Variants in SPRED1 observed in about 807,000 individuals in gnomAD.
The protein encoded by SPRED1 is sprouty-related, EVH1 domain-containing protein 1.
SPRED1 carries 18 observed loss-of-function variants against 52.3 expected under a neutral mutation model. The ratio of observed to expected loss-of-function variants is 0.34; its 90% CI spans 0.24 to 0.51. SPRED1 has a LOEUF of 0.51. SPRED1 is among the 20% of genes least tolerant of loss of function. The pLI is 0.97. For synonymous variants in SPRED1, 155 were observed against 179.7 expected (o/e 0.86, Z 1.10); for missense variants, 485 against 551.0 (o/e 0.88, Z 1.20).
intron 2 of SPRED1, among the ~76,000 whole-genome samples, chr15:38,319,593 G>C (rs762437315): frequency 8.2e-4 from 125 of 152,240 alleles, no homozygotes; most frequent in Admixed American, 2.0e-3. Flanking sequence ...GGTCAGGATG[G>C]TCTTGAACTC....
chr15:38,316,143 C>A (rs1895475185), intron 2 of SPRED1, among the ~76,000 whole-genome samples: 1 of 151,966 alleles, frequency 6.6e-6, no homozygotes, highest in Non-Finnish European at 1.5e-5. Flanking sequence ...ATATAAAAAT[C>A]AATTTTTGTT....
At chr15:38,304,386 G>A (rs1895209460) in intron 2 of SPRED1, among the ~76,000 whole-genome samples, 1 of 152,124 alleles carries the variant, frequency 6.6e-6, no homozygotes, top group African/African-American at 2.4e-5. Flanking sequence ...AGCCTTCCTA[G>A]CAGTTTTGTT....
intron 1 of SPRED1, among the ~76,000 whole-genome samples, chr15:38,294,590 T>C (rs374460789): frequency 2.6e-5 from 4 of 152,246 alleles, no homozygotes; most frequent in East Asian, 3.9e-4. Context: ...AAGGTATTTC[T>C]TGGGTATGTA....
rs771825294 is a variant in SPRED1, at chr15:38,299,483, C to T, written c.143C>T (p.Pro48Leu). 6.2e-7 allele frequency: 1 copy of T among 1,613,968 alleles called. No homozygotes were observed. Among genetic ancestry groups the T allele is most frequent in the Admixed American group, 1.7e-5 (1 of 59,994 alleles). The change falls in exon 2 of 7, where the codon CCT becomes CTT. Residue 48 changes from proline to leucine, a missense_variant. This residue lies in a region of SPRED1 where 232 missense variants were observed against 231.8 expected (regional missense o/e 1.00). Coordinates refer to ENST00000299084, the MANE Select transcript of SPRED1 (RefSeq NM_152594.3). ...AGCAGCGTCACTGTCTTCAAAGTCC[C>T]TCATCAGGAAGAGAATGGCTGTGCT... is the stretch of plus-strand genomic sequence containing the variant. ...GLSSVTVFKV[P>L]HQEENGCADF... is the part of the protein sequence containing the mutation.
chr15:38,356,345 C>A lies in SPRED1; in HGVS notation c.*4681C>A, dbSNP rs1595766856. The A allele has an allele frequency of 6.6e-6, 1 of 152,074 alleles. No homozygotes were observed. Among genetic ancestry groups the A allele is most frequent in the African/African-American group, 2.4e-5 (1 of 41,432 alleles). 9.4% of individuals were successfully genotyped at this position (152,074 alleles called of 1,614,324 possible). A position where few individuals can be genotyped will look rare whatever the true frequency, so the allele number is the denominator to read the frequency against. On this transcript the variant is annotated 3_prime_UTR_variant, in exon 7 of 7. Coordinates refer to ENST00000299084, the MANE Select transcript of SPRED1 (RefSeq NM_152594.3). ...ATACATTATAAGTTTGTAACCATTTCTGTTACTTCATACCCGTGTAATTGG... is the reference window on the plus strand; with the variant it reads ...ATACATTATAAGTTTGTAACCATTTATGTTACTTCATACCCGTGTAATTGG...
chr15:38,311,822 T>G (rs2140987408), intron 2 of SPRED1, among the ~76,000 whole-genome samples: 1 of 152,246 alleles, frequency 6.6e-6, no homozygotes, highest in East Asian at 1.9e-4. Context: ...TTGCTAGAGA[T>G]GTATCAATTG....
intron 1 of SPRED1, among the ~76,000 whole-genome samples, chr15:38,281,794 T>C (rs1227652290): frequency 3.3e-5 from 5 of 152,056 alleles, no homozygotes; most frequent in African/African-American, 1.2e-4. Context: ...AATACATAGC[T>C]TTAGAGACAT....
chr15:38,306,346 A>C (rs892031710), intron 2 of SPRED1, among the ~76,000 whole-genome samples: 5 of 152,302 alleles, frequency 3.3e-5, no homozygotes, highest in African/African-American at 1.2e-4. Flanking sequence ...GTTGATAAAC[A>C]TGTTGCTAAT....
Position 38,258,190 on chromosome 15 carries a change from A to G in SPRED1, c.32+4973A>G, listed in dbSNP as rs553905885. The stretch of plus-strand genomic sequence containing the variant: ...GGAAACCTTTCTTATGATGTTGGTG[A>G]TGAAACATATTCATTTATTAGATTT... On this transcript the variant is annotated intron_variant, in intron 1 of 6. Transcript: ENST00000299084. Among the ~76,000 whole-genome samples, 182 of 152,320 alleles carry G rather than the reference A, an allele frequency of 1.2e-3. No homozygotes were observed. The Middle Eastern group carries it at 0.027, about 23-fold the overall frequency.
chr15:38,347,242 G>A (rs912427819), intron 5 of SPRED1, among the ~76,000 whole-genome samples: 2 of 151,780 alleles, frequency 1.3e-5, no homozygotes, highest in Non-Finnish European at 2.9e-5. Context: ...TTTCCACATA[G>A]GTTACTAATT....
At chr15:38,281,706 T>A (rs1833726990) in intron 1 of SPRED1, among the ~76,000 whole-genome samples, 1 of 151,962 alleles carries the variant, frequency 6.6e-6, no homozygotes, top group Admixed American at 6.6e-5. Context: ...CTTTTGATTT[T>A]TATGCATGTC....
chr15:38,287,475 G>C (rs1181490303), intron 1 of SPRED1, among the ~76,000 whole-genome samples: 1 of 151,930 alleles, frequency 6.6e-6, no homozygotes, highest in East Asian at 1.9e-4. Flanking sequence ...GGCCCTGTAT[G>C]AGCTGGTCCA....
intron 2 of SPRED1, among the ~76,000 whole-genome samples, chr15:38,314,090 T>C (rs1228036211): frequency 1.3e-5 from 2 of 151,868 alleles, no homozygotes; most frequent in African/African-American, 2.4e-5. Context: ...TGTCAAGATA[T>C]ATGTTATATT....
intron 5 of SPRED1, among the ~76,000 whole-genome samples, chr15:38,342,283 G>A (rs1223400424): frequency 6.6e-6 from 1 of 151,562 alleles, no homozygotes; most frequent in Non-Finnish European, 1.5e-5. Context: ...AATGTATCTT[G>A]CATCCTTAAA....
chr15:38,303,997 G>A (rs1422391410), intron 2 of SPRED1, among the ~76,000 whole-genome samples: 1 of 152,160 alleles, frequency 6.6e-6, no homozygotes, highest in Admixed American at 6.5e-5. Context: ...CGATAAAATT[G>A]TTTATAGAAG....
chr15:38,282,641 G>A (rs1290315366), intron 1 of SPRED1, among the ~76,000 whole-genome samples: 1 of 152,196 alleles, frequency 6.6e-6, no homozygotes, highest in Non-Finnish European at 1.5e-5. Flanking sequence ...GATGGTTTGA[G>A]TTTGGGGATC....
At chr15:38,273,058 G>A (rs1222454744) in intron 1 of SPRED1, among the ~76,000 whole-genome samples, 1 of 151,930 alleles carries the variant, frequency 6.6e-6, no homozygotes, top group Admixed American at 6.6e-5. Context: ...CAATTTTTTT[G>A]TTACAATTGC....
Position 38,351,127 on chromosome 15 carries a change from G to A in SPRED1, c.798G>A (p.Met266Ile). 6.2e-7 allele frequency: 1 copy of A among 1,614,026 alleles called. No homozygotes were observed. The highest frequency in any genetic ancestry group is 1.1e-5 in the South Asian group (1 of 91,070). The change falls in exon 7 of 7, where the codon ATG becomes ATA. Residue 266 changes from methionine (M) to isoleucine (I), a missense_variant. Transcript: ENST00000299084. ...RRYADYRHPD[M>I]WKNDLERDDA... Reference sequence around the variant, plus strand: ...ATGCAGACTACAGACATCCTGACATGTGGAAAAATGACTTGGAAAGAGATG... The same window carrying A: ...ATGCAGACTACAGACATCCTGACATATGGAAAAATGACTTGGAAAGAGATG...
chr15:38,253,797 ACCTG>A (rs1382010150), intron 1 of SPRED1, among the ~76,000 whole-genome samples: 1 of 152,202 alleles, frequency 6.6e-6, no homozygotes, highest in African/African-American at 2.4e-5. Context: ...GATTAAGGAC[ACCTG>A]GAGTGTGGGC....
Sources: gnomAD v4.1 joint callset for allele counts (sites outside exome capture counted in the v4.1 genomes callset) on GRCh38, gnomAD v4.1.1 for gene constraint, gnomAD v4.1.1 regional missense constraint, MANE v1.5 for transcripts, NCBI Gene and HGNC (gene_info 2026-07-23, HGNC 2026-07-21) for gene names.